ADGRF3: variants seen among roughly 807,000 people sequenced by gnomAD.
The protein encoded by ADGRF3 is adhesion G protein-coupled receptor F3.
Under a neutral mutation model 93.2 loss-of-function variants are expected in ADGRF3, and 85 were observed. That is an observed-to-expected ratio of 0.91 (90% CI 0.77 to 1.09). The LOEUF (loss-of-function observed/expected upper bound fraction) is 1.09. Ranked by LOEUF, ADGRF3 falls within the 50% of genes least tolerant of loss-of-function variation. The probability of loss-of-function intolerance (pLI) is 0.00; values close to 1 mark genes in which losing one functional copy is unlikely to be tolerated. For synonymous variants in ADGRF3, 534 were observed against 532.5 expected (o/e 1.00, Z -0.04); for missense variants, 1,125 against 1,246.2 (o/e 0.90, Z 1.46).
intron 13 of ADGRF3, 47 bp downstream of exon 13, chr2:26,309,479 C>T (rs1247356648): frequency 1.3e-5 from 21 of 1,595,440 alleles, no homozygotes; most frequent in Non-Finnish European, 1.8e-5. Context: ...CCACACCGTC[C>T]TCAATCCACC....
chr2:26,342,937 T>A (rs1676471922), intron 1 of ADGRF3, among the ~76,000 whole-genome samples: 2 of 152,150 alleles, frequency 1.3e-5, no homozygotes, highest in African/African-American at 4.8e-5. Context: ...TCTGCGAAAA[T>A]ACAGTCATGC....
chr2:26,329,377 C>G (rs1440638478), intron 1 of ADGRF3, among the ~76,000 whole-genome samples: 2 of 152,234 alleles, frequency 1.3e-5, no homozygotes, highest in Non-Finnish European at 2.9e-5. Context: ...AAATGATCCT[C>G]CTGCCTTGGT....
At chr2:26,335,088 TC>T (rs1675964357) in intron 1 of ADGRF3, among the ~76,000 whole-genome samples, 1 of 152,216 alleles carries the variant, frequency 6.6e-6, no homozygotes, top group Admixed American at 6.5e-5. Flanking sequence ...AGAGTACATT[TC>T]AATGGTGTTT....
chr2:26,328,119 T>C (rs545055774), intron 1 of ADGRF3, among the ~76,000 whole-genome samples: 3 of 152,200 alleles, frequency 2.0e-5, no homozygotes, highest in Non-Finnish European at 4.4e-5. Context: ...AGTTAAAATA[T>C]ATGGTCTTTG....
chr2:26,309,337 T>C (rs1422413047), intron 13 of ADGRF3, 189 bp downstream of exon 13: 20 of 1,481,588 alleles, frequency 1.3e-5, no homozygotes, highest in Non-Finnish European at 1.8e-5. Flanking sequence ...TGCTTTCTGC[T>C]CTCTGACATT....
At chr2:26,326,872 A>C (rs184208307) in intron 1 of ADGRF3, among the ~76,000 whole-genome samples, 5 of 152,258 alleles carry the variant, frequency 3.3e-5, no homozygotes, top group African/African-American at 1.2e-4. Flanking sequence ...TCCCAGGTTC[A>C]AGCAGTTCTC....
In ADGRF3 at chr2:26,315,610, G is replaced by A; in HGVS notation, c.630C>T (p.Ile210=). The A allele has an allele frequency of 6.4e-7, 1 of 1,551,652 alleles. No individual in the cohort carries two copies. The highest frequency in any genetic ancestry group is 8.7e-7 in the Non-Finnish European group (1 of 1,146,984). The stretch of plus-strand genomic sequence containing the variant: ...ACACCTGTGTCCCTGGCTGCAGGAG[G>A]ATGGGACTGGGGCTCCCTGGGTGCC... ...FLRHPGSPSP[I]LLQPGTQVSV... Residue 210 remains isoleucine, a synonymous_variant, in exon 5 of 14, where the codon ATC becomes ATT. Transcript: ENST00000651242.
chr2:26,317,291 G>A (rs1366339864), intron 2 of ADGRF3, among the ~76,000 whole-genome samples: 1 of 152,156 alleles, frequency 6.6e-6, no homozygotes, highest in Non-Finnish European at 1.5e-5. Flanking sequence ...TTATGGATGA[G>A]GCTTCAAAGA....
At chr2:26,339,558 A>AT (rs1233970979) in intron 1 of ADGRF3, among the ~76,000 whole-genome samples, 2 of 152,020 alleles carry the variant, frequency 1.3e-5, no homozygotes, top group Admixed American at 6.6e-5. Context: ...TTTAATGTAT[A>AT]TTTTTTTCTT....
At chr2:26,344,757 G>A (rs1676603209) in intron 1 of ADGRF3, among the ~76,000 whole-genome samples, 1 of 152,216 alleles carries the variant, frequency 6.6e-6, no homozygotes, top group South Asian at 2.1e-4. Flanking sequence ...CTGAGCCAGG[G>A]GAGGTCGAGG....
Position 26,313,039 on chromosome 2 carries a change from A to C in ADGRF3, c.1353T>G (p.Ser451Arg). ...AQLPGQAAEA[S>R]SPSDLLTLLS... ...GCAGGGTCAGTAAGTCGGAGGGTGA[A>C]CTTGCCTCTGCCGCCTGCCCTGGCA... is the stretch of plus-strand genomic sequence containing the variant. The change falls in exon 9 of 14, where the codon AGT becomes AGG. Residue 451 changes from serine to arginine, a missense_variant. Physicochemically the swap from Ser to Arg is moderately radical, Grantham distance 110. Coordinates refer to ENST00000651242, the MANE Select transcript of ADGRF3 (RefSeq NM_001321971.2). 1 of 1,613,990 alleles carries C rather than the reference A, an allele frequency of 6.2e-7. No homozygotes were observed. Among genetic ancestry groups the C allele is most frequent in the Non-Finnish European group, 8.5e-7 (1 of 1,179,870 alleles).
At chr2:26,312,104 G>C in intron 9 of ADGRF3, 30 bp from the exon 10 acceptor site, 1 of 1,569,366 alleles carries the variant, frequency 6.4e-7, no homozygotes, top group African/African-American at 1.4e-5. Flanking sequence ...GATGAACCCC[G>C]TCTGCTGGCG....
chr2:26,343,022 A>C (rs1001028382), intron 1 of ADGRF3, among the ~76,000 whole-genome samples: 48 of 152,252 alleles, frequency 3.2e-4, no homozygotes, highest in Non-Finnish European at 6.6e-4. Context: ...TCAAGTATTC[A>C]GTAGTGTACA....
Position 26,310,849 on chromosome 2 carries a change from G to T in ADGRF3, c.2675C>A (p.Pro892His). ...CAGAGCTTGGCGCTTCTCTGCTGGGGGTCCCTCTGACAGCGAAGGTCTCAG... is the reference window on the plus strand; with the variant it reads ...CAGAGCTTGGCGCTTCTCTGCTGGGTGTCCCTCTGACAGCGAAGGTCTCAG... ...KLLRPSLSEG[P>H]PAEKRQALLG... The change falls in exon 10 of 14, where the codon CCC becomes CAC. Residue 892 changes from proline to histidine, a missense_variant. Pro to His is a moderately conservative substitution (Grantham distance 77). Transcript: ENST00000651242. 1.2e-6 allele frequency: 2 copies of T among 1,613,180 alleles called. No individual in the cohort carries two copies. The highest frequency in any genetic ancestry group is 1.7e-6 in the Non-Finnish European group (2 of 1,179,610).
rs1674209355 is a variant in ADGRF3, at chr2:26,312,077, G to C, written c.1450-3C>G. ...TTGTCTGTGGCAATCAGGAGATTCT[G>C]CAGCACCCAAAAGAAAGATGAACCC... On this transcript the variant is annotated splice_region_variant and splice_polypyrimidine_tract_variant and intron_variant, in intron 9 of 13. Transcript: ENST00000651242. 1 of 1,600,376 alleles carries C rather than the reference G, an allele frequency of 6.2e-7. No individual in the cohort carries two copies. The highest frequency in any genetic ancestry group is 2.2e-5 in the East Asian group (1 of 44,736).
intron 10 of ADGRF3, 79 bp downstream of exon 10, chr2:26,310,613 G>A (rs1574691892): frequency 7.0e-7 from 1 of 1,424,160 alleles, no homozygotes; most frequent in Non-Finnish European, 9.6e-7. Context: ...CTCCACCTTG[G>A]TACCTCCTAG....
intron 1 of ADGRF3, among the ~76,000 whole-genome samples, chr2:26,338,338 A>G (rs1219068082): frequency 6.6e-6 from 1 of 152,138 alleles, no homozygotes; most frequent in Non-Finnish European, 1.5e-5. Flanking sequence ...ACAGAGTGAG[A>G]CCCTGTCTCT....
At chr2:26,310,629 A>G in intron 10 of ADGRF3, 63 bp downstream of exon 10, 2 of 1,500,410 alleles carry the variant, frequency 1.3e-6, no homozygotes, top group Non-Finnish European at 1.8e-6. Context: ...CCTAGAGAAG[A>G]GATCGGCAGT....
chr2:26,319,273 T>C (rs1674965897), intron 1 of ADGRF3, among the ~76,000 whole-genome samples: 1 of 152,130 alleles, frequency 6.6e-6, no homozygotes, highest in Non-Finnish European at 1.5e-5. Flanking sequence ...CAGGCTCTTC[T>C]TAGGCTCTGG....
Sources: allele counts gnomAD v4.1 joint callset (sites outside exome capture counted in the v4.1 genomes callset), GRCh38; gene constraint gnomAD v4.1.1; transcripts MANE v1.5; gene names NCBI Gene and HGNC (gene_info 2026-07-23, HGNC 2026-07-21).